Variants in PCDHGA4 observed in about 807,000 individuals in gnomAD.
The protein encoded by PCDHGA4 is protocadherin gamma-A4.
PCDHGA4 carries 38 observed loss-of-function variants against 54.6 expected under a neutral mutation model. The observed-to-expected ratio is 0.70, with a 90% CI of 0.54 to 0.91. The LOEUF (loss-of-function observed/expected upper bound fraction) is 0.91, where lower values mean the gene tolerates loss of function less well. Among genes scored for constraint, PCDHGA4 ranks in the 40% least tolerant of loss-of-function variants. The pLI is 0.00. For missense variants in PCDHGA4, 1,298 were observed against 1,220.9 expected, an observed-to-expected ratio of 1.06 and a Z score of -0.94; for synonymous variants, 511 against 512.9, an observed-to-expected ratio of 1.00 and a Z score of 0.05.
Position 141,485,954 on chromosome 5 carries a change from C to T in PCDHGA4, c.2515-8853C>T, listed in dbSNP as rs2154580519. The T allele has an allele frequency of 6.2e-7, 1 of 1,614,190 alleles. No individual in the cohort carries two copies. The highest frequency in any genetic ancestry group is 8.5e-7 in the Non-Finnish European group (1 of 1,180,038). ...GGAGAGCGCACCAGCGGGCATGGTG[C>T]TCATCCAGCTCAATGCCTCAGACCC... On this transcript the variant is annotated intron_variant, in intron 1 of 3. Coordinates refer to ENST00000571252, the MANE Select transcript of PCDHGA4 (RefSeq NM_018917.4). The surrounding 1 kb of genome is among the most constrained non-coding windows in gnomAD (Gnocchi z 5.7).
At chr5:141,419,686 G>A (rs551990092) in intron 1 of PCDHGA4, 2 of 1,612,760 alleles carry the variant, frequency 1.2e-6, no homozygotes, top group Non-Finnish European at 1.7e-6. Flanking sequence ...ACCACGTGGT[G>A]CAGGCCAGTG....
Position 141,390,485 on chromosome 5 carries a change from T to G in PCDHGA4, c.2514+32864T>G, listed in dbSNP as rs919971230. On this transcript the variant is annotated intron_variant, in intron 1 of 3. Transcript: ENST00000571252. The stretch of plus-strand genomic sequence containing the variant: ...GCAATTGTGTGGCCCAACATTTGTT[T>G]GTTTTTTAGCCAAGCTTAGATTTAT... The G allele has an allele frequency of 1.4e-5, 9 of 656,166 alleles. No homozygotes were observed. The African/African-American group carries it at 1.5e-4, about 11-fold the overall frequency. The allele number at this position is 656,166 out of a possible 1,614,324, so 40.6% of individuals were successfully genotyped here.
intron 1 of PCDHGA4, chr5:141,362,235 A>C: frequency 6.2e-7 from 1 of 1,613,852 alleles, no homozygotes; most frequent in East Asian, 2.2e-5. Context: ...CCTTGATCTC[A>C]GTGCTCTTCT....
At chr5:141,460,991 A>G (rs889917939) in intron 1 of PCDHGA4, among the ~76,000 whole-genome samples, 39 of 141,522 alleles carry the variant, frequency 2.8e-4, no homozygotes, top group East Asian at 1.0e-3. Flanking sequence ...GTGTATATAT[A>G]TATATGTGTA....
At chr5:141,410,362 C>A (rs1270552318) in intron 1 of PCDHGA4, 13 of 1,613,954 alleles carry the variant, frequency 8.1e-6, no homozygotes, top group Non-Finnish European at 1.0e-5. Context: ...GCTCTCTCAG[C>A]CCTGCTACTT....
At chr5:141,415,438 C>A in intron 1 of PCDHGA4, 1 of 1,614,218 alleles carries the variant, frequency 6.2e-7, no homozygotes, top group South Asian at 1.1e-5. Flanking sequence ...GGCTTTCCTG[C>A]AGACCTATTC....
intron 1 of PCDHGA4, chr5:141,361,769 A>G: frequency 1.2e-6 from 2 of 1,613,144 alleles, no homozygotes; most frequent in Middle Eastern, 1.7e-4. Context: ...CTCAGCGCCA[A>G]CGTGAGCCTG....
At chr5:141,365,022 C>A in intron 1 of PCDHGA4, 1 of 1,613,864 alleles carries the variant, frequency 6.2e-7, no homozygotes, top group South Asian at 1.1e-5. Flanking sequence ...ATCCGTGTTA[C>A]GGTCCTCGAC....
chr5:141,433,406 TTA>T (rs2097606059), intron 1 of PCDHGA4, among the ~76,000 whole-genome samples: 1 of 149,982 alleles, frequency 6.7e-6, no homozygotes. Flanking sequence ...TATCTATCTA[TTA>T]CTTTCTTGTA....
intron 1 of PCDHGA4, chr5:141,389,816 G>A (rs1359127304): frequency 6.2e-7 from 1 of 1,613,776 alleles, no homozygotes; most frequent in Admixed American, 1.7e-5. Flanking sequence ...TGGTCGCCGT[G>A]CGTGACGGTG....
At position 141,388,975 on chromosome 5, in the gene PCDHGA4, T is replaced by C. The variant is rs1293529479; in HGVS notation, c.2514+31354T>C. The C allele has an allele frequency of 6.8e-6, 11 of 1,613,888 alleles. No homozygotes were observed. The highest frequency in any genetic ancestry group is 8.5e-6 in the Non-Finnish European group (10 of 1,179,894). On this transcript the variant is annotated intron_variant, in intron 1 of 3. Transcript: ENST00000571252. ...GAGGACGCCGAGCTGGGAACACATATTGCTTTGCTCAAAGTCCGTGACAAG... is the reference window on the plus strand; with the variant it reads ...GAGGACGCCGAGCTGGGAACACATACTGCTTTGCTCAAAGTCCGTGACAAG...
At chr5:141,495,153 T>G (rs2154591630) in intron 2 of PCDHGA4, among the ~76,000 whole-genome samples, 1 of 152,290 alleles carries the variant, frequency 6.6e-6, no homozygotes, top group East Asian at 1.9e-4. Flanking sequence ...AGGATGGTCT[T>G]AAGCTGGTCT....
chr5:141,510,272 TAAAA>T (rs546154379), intron 3 of PCDHGA4, among the ~76,000 whole-genome samples: 1 of 130,390 alleles, frequency 7.7e-6, no homozygotes, highest in East Asian at 2.2e-4. Context: ...GACTCCATCT[TAAAA>T]AAAAAAAAAA....
At position 141,395,074 on chromosome 5, in the gene PCDHGA4, C is replaced by T. The variant is rs368699767; in HGVS notation, c.2514+37453C>T. The T allele has an allele frequency of 3.9e-5, 63 of 1,614,048 alleles. No homozygotes were observed. The African/African-American group carries it at 6.0e-4, about 15-fold the overall frequency. Reference sequence around the variant, plus strand: ...GTACAGGCTTTCCTGCAGACCTATTCCCAGGAAGTCTCCCTCACCGCCGAC... The same window carrying T: ...GTACAGGCTTTCCTGCAGACCTATTTCCAGGAAGTCTCCCTCACCGCCGAC... On this transcript the variant is annotated intron_variant, in intron 1 of 3. Transcript: ENST00000571252.
chr5:141,418,694 TATTCC>T, intron 1 of PCDHGA4: 2 of 1,614,044 alleles, frequency 1.2e-6, no homozygotes, highest in Non-Finnish European at 1.7e-6. Flanking sequence ...AGAGATCACT[TATTCC>T]TTCTTTGGTG....
chr5:141,415,605 G>GGT, intron 1 of PCDHGA4: 1 of 1,613,122 alleles, frequency 6.2e-7, no homozygotes. Context: ...ATACCCCATT[G>GGT]GTTCCAGTGA....
At chr5:141,393,370 A>G (rs2092740114) in intron 1 of PCDHGA4, 5 of 1,613,954 alleles carry the variant, frequency 3.1e-6, no homozygotes, top group Non-Finnish European at 2.5e-6. Context: ...CAGACTGGAG[A>G]CAATGGAGCC....
intron 1 of PCDHGA4, among the ~76,000 whole-genome samples, chr5:141,455,290 T>C (rs551962783): frequency 5.3e-5 from 8 of 152,206 alleles, no homozygotes; most frequent in East Asian, 1.9e-4. Flanking sequence ...TCACTTTACA[T>C]AGTTTCATCT....
At chr5:141,393,740 TGAA>T in intron 1 of PCDHGA4, 1 of 1,613,888 alleles carries the variant, frequency 6.2e-7, no homozygotes, top group Non-Finnish European at 8.5e-7. Context: ...GTCTAGATTA[TGAA>T]GAATGTTCAT....
Sources: allele counts gnomAD v4.1 joint callset (sites outside exome capture counted in the v4.1 genomes callset), GRCh38; gene constraint gnomAD v4.1.1; non-coding constraint Gnocchi (gnomAD v3.1); transcripts MANE v1.5; gene names NCBI Gene and HGNC (gene_info 2026-07-23, HGNC 2026-07-21).